Variants in CA10 observed in about 807,000 individuals in gnomAD.
The protein encoded by CA10 is carbonic anhydrase-related protein 10.
CA10 carries 14 observed loss-of-function variants against 44.2 expected under a neutral mutation model. The observed-to-expected ratio is 0.32, with a 90% confidence interval of 0.21 to 0.50. The LOEUF (loss-of-function observed/expected upper bound fraction) is 0.50. Among genes scored for constraint, CA10 ranks in the 20% least tolerant of loss-of-function variants. The pLI is 0.99. For missense variants in CA10, 350 were observed against 409.7 expected (o/e 0.85, Z 1.26); for synonymous variants, 159 against 141.6 (o/e 1.12, Z -0.87).
intron 4 of CA10, among the ~76,000 whole-genome samples, chr17:51,735,864 C>T (rs768228312): frequency 6.6e-6 from 1 of 151,128 alleles, no homozygotes. Context: ...TATAAGTCCA[C>T]GGATTGAAAT....
intron 3 of CA10, among the ~76,000 whole-genome samples, chr17:51,895,911 TAAG>T (rs1241302399): frequency 1.3e-5 from 2 of 151,914 alleles, no homozygotes; most frequent in African/African-American, 4.8e-5. Flanking sequence ...AAATAAAAAA[TAAG>T]AAATTAAAGA....
intron 7 of CA10, among the ~76,000 whole-genome samples, chr17:51,634,043 G>A (rs1243673375): frequency 2.0e-5 from 3 of 152,192 alleles, no homozygotes; most frequent in Non-Finnish European, 4.4e-5. Context: ...TGGTCCATGG[G>A]TCAGAGCTAA....
At chr17:52,084,718 C>T (rs943993252) in intron 1 of CA10, among the ~76,000 whole-genome samples, 4 of 152,124 alleles carry the variant, frequency 2.6e-5, no homozygotes, top group African/African-American at 9.7e-5. Context: ...GCCCCTGTGG[C>T]AAAAATAGTG....
intron 7 of CA10, among the ~76,000 whole-genome samples, chr17:51,635,486 CT>C (rs1912784000): frequency 6.6e-6 from 1 of 151,578 alleles, no homozygotes; most frequent in Non-Finnish European, 1.5e-5. Context: ...GCACTCCAGC[CT>C]GGGTGACAAG....
chr17:51,853,071 G>A (rs879799859), intron 3 of CA10, among the ~76,000 whole-genome samples: 20 of 152,126 alleles, frequency 1.3e-4, no homozygotes, highest in African/African-American at 2.4e-4. Flanking sequence ...GGAGACAAGC[G>A]GATAGCTAAA....
At chr17:51,680,303 G>A (rs1380005274) in intron 4 of CA10, among the ~76,000 whole-genome samples, 2 of 152,196 alleles carry the variant, frequency 1.3e-5, no homozygotes, top group Non-Finnish European at 2.9e-5. Flanking sequence ...AGGAAAGCAG[G>A]TGGCATGACT....
intron 1 of CA10, among the ~76,000 whole-genome samples, chr17:52,139,044 C>T (rs932331894): frequency 2.0e-5 from 3 of 152,286 alleles, no homozygotes; most frequent in East Asian, 1.9e-4. Context: ...AAATGGAATG[C>T]AATCATTCAA....
At chr17:51,921,965 A>G (rs1021326616) in intron 3 of CA10, among the ~76,000 whole-genome samples, 3 of 152,156 alleles carry the variant, frequency 2.0e-5, no homozygotes, top group African/African-American at 4.8e-5. Context: ...CTCTCTCTAC[A>G]TATGCTATGA....
chr17:52,134,557 A>G (rs1662780979), intron 1 of CA10, among the ~76,000 whole-genome samples: 1 of 152,250 alleles, frequency 6.6e-6, no homozygotes, highest in Non-Finnish European at 1.5e-5. Flanking sequence ...CTAAACAATC[A>G]ATACCAGCAG....
intron 3 of CA10, among the ~76,000 whole-genome samples, chr17:51,814,760 A>C (rs150103488): frequency 8.5e-4 from 130 of 152,276 alleles, no homozygotes; most frequent in African/African-American, 3.1e-3. Flanking sequence ...TCTGTCCATA[A>C]CAAATTTAAC....
At chr17:51,954,786 T>C (rs528461953) in intron 2 of CA10, among the ~76,000 whole-genome samples, 1 of 152,306 alleles carries the variant, frequency 6.6e-6, no homozygotes, top group African/African-American at 2.4e-5. Context: ...AATTATTAAA[T>C]TGGAAGCCCT....
chr17:51,861,714 GGCTTT>G (rs1245342646), intron 3 of CA10, among the ~76,000 whole-genome samples: 1 of 152,086 alleles, frequency 6.6e-6, no homozygotes, highest in African/African-American at 2.4e-5. Flanking sequence ...CAATTAATCT[GGCTTT>G]GCTTTGTTTC....
At chr17:51,747,536 G>C (rs1904733184) in intron 4 of CA10, 97 bp downstream of exon 4, 1 of 994,744 alleles carries the variant, frequency 1.0e-6, no homozygotes, top group Non-Finnish European at 1.5e-6. Context: ...ATAGATTAGA[G>C]CGAATCCCTT....
chr17:51,890,824 G>A (rs1412897488), intron 3 of CA10, among the ~76,000 whole-genome samples: 1 of 152,164 alleles, frequency 6.6e-6, no homozygotes, highest in Non-Finnish European at 1.5e-5. Flanking sequence ...TGAATTTGGA[G>A]CTAGTTGACA....
At chr17:51,784,662 G>A (rs1055952457) in intron 3 of CA10, among the ~76,000 whole-genome samples, 1 of 152,118 alleles carries the variant, frequency 6.6e-6, no homozygotes, top group African/African-American at 2.4e-5. Flanking sequence ...GTACACAGTA[G>A]GTGTATGTAT....
intron 4 of CA10, among the ~76,000 whole-genome samples, chr17:51,694,321 TTTTTTGAC>T (rs1315433619): frequency 6.6e-6 from 1 of 151,156 alleles, no homozygotes. Context: ...GTATCTGTTG[TTTTTTGAC>T]TTTTTAATAA....
At chr17:52,148,918 C>T (rs772062386) in intron 1 of CA10, among the ~76,000 whole-genome samples, 2 of 152,172 alleles carry the variant, frequency 1.3e-5, no homozygotes, top group Non-Finnish European at 2.9e-5. Context: ...ATACATTTAA[C>T]ACTGGGAAAA....
At chr17:51,732,945 C>T (rs773663238) in intron 4 of CA10, among the ~76,000 whole-genome samples, 4 of 152,164 alleles carry the variant, frequency 2.6e-5, no homozygotes, top group Non-Finnish European at 5.9e-5. Context: ...GGCTTATAAC[C>T]TTGTTTCAGT....
intron 4 of CA10, among the ~76,000 whole-genome samples, chr17:51,668,034 C>T (rs1343559131): frequency 6.6e-6 from 1 of 152,198 alleles, no homozygotes; most frequent in African/African-American, 2.4e-5. Flanking sequence ...CCTTGTAACC[C>T]AGGCCCAACC....
Sources: allele counts gnomAD v4.1 joint callset (sites outside exome capture counted in the v4.1 genomes callset), GRCh38; gene constraint gnomAD v4.1.1; transcripts MANE v1.5; gene names NCBI Gene and HGNC (gene_info 2026-07-23, HGNC 2026-07-21).